The following MROH7 variants were observed in gnomAD, a reference collection of about 807,000 sequenced individuals.
The protein encoded by MROH7 is maestro heat-like repeat-containing protein family member 7.
MROH7 carries 113 observed loss-of-function variants against 129.2 expected under a neutral mutation model. The observed-to-expected ratio is 0.87, with a 90% CI of 0.75 to 1.02. The LOEUF is 1.02. Ranked by LOEUF, MROH7 falls within the 50% of genes least tolerant of loss-of-function variation. The pLI is 0.00. For missense variants in MROH7, 1,601 were observed against 1,671.3 expected (o/e 0.96, Z 0.73); for synonymous variants, 655 against 667.9 (o/e 0.98, Z 0.30).
At chr1:54,690,090 A>G (rs760732760) in intron 15 of MROH7, among the ~76,000 whole-genome samples, 43 of 152,354 alleles carry the variant, frequency 2.8e-4, no homozygotes, top group Non-Finnish European at 5.9e-4. Flanking sequence ...CCCTTGCTCT[A>G]CTTTGCAGAG....
intron 8 of MROH7, 39 bp downstream of exon 8, chr1:54,673,225 G>T: frequency 2.7e-6 from 4 of 1,503,218 alleles, no homozygotes; most frequent in Non-Finnish European, 3.7e-6. Context: ...AGGGGAGGAA[G>T]GGTGGAGGGA....
chr1:54,689,827 T>A (rs1645205662), intron 15 of MROH7, among the ~76,000 whole-genome samples: 1 of 152,124 alleles, frequency 6.6e-6, no homozygotes, highest in African/African-American at 2.4e-5. Flanking sequence ...CTAGGCAACA[T>A]GGCGAAACCC....
chr1:54,672,403 G>A (rs1464692480), intron 7 of MROH7, among the ~76,000 whole-genome samples: 1 of 152,014 alleles, frequency 6.6e-6, no homozygotes, highest in Non-Finnish European at 1.5e-5. Flanking sequence ...AGGCAAAAAA[G>A]AGAGGGTCTT....
intron 3 of MROH7, among the ~76,000 whole-genome samples, chr1:54,657,048 CTTTTTTTT>C (rs35098878): frequency 0.011 from 1,406 of 132,436 alleles, 22 homozygotes; most frequent in Non-Finnish European, 0.015. Context: ...TTCTCACCAT[CTTTTTTTT>C]TTTTTTTTTT....
chr1:54,653,090 T>G lies in MROH7; in HGVS notation c.164T>G (p.Leu55Trp), dbSNP rs1422625194. The change falls in exon 3 of 24, where the codon TTG (leucine) becomes TGG (tryptophan). Residue 55 changes from leucine (L) to tryptophan (W), a missense_variant. Coordinates refer to ENST00000421030, the MANE Select transcript of MROH7 (RefSeq NM_001039464.4). ...PMLNLLPSPG[L>W]ALVPDLNDSL... ...TTGAATCTGCTCCCAAGTCCTGGCT[T>G]GGCTCTCGTTCCAGATCTTAATGAT... 1 of 1,614,192 alleles carries G rather than the reference T, an allele frequency of 6.2e-7. No homozygotes were observed. Among genetic ancestry groups the G allele is most frequent in the Admixed American group, 1.7e-5 (1 of 60,020 alleles).
intron 18 of MROH7, 28 bp downstream of exon 18, chr1:54,700,489 CCCAGCCA>C (rs749867987): frequency 1.3e-6 from 2 of 1,545,520 alleles, no homozygotes; most frequent in Non-Finnish European, 1.7e-6. Flanking sequence ...GAAAGCCTGG[CCCAGCCA>C]GGCCCCAGAC....
rs1386839459 is a variant in MROH7, at chr1:54,703,358, C to T, written c.3564+613C>T. Reference sequence around the variant, plus strand: ...GGCTCCTTTTCTACAACATCAATTCCCAGAGTTGTATTACCTGCAACACCA... The same window carrying T: ...GGCTCCTTTTCTACAACATCAATTCTCAGAGTTGTATTACCTGCAACACCA... On this transcript the variant is annotated intron_variant, in intron 21 of 23. Coordinates refer to ENST00000421030, the MANE Select transcript of MROH7 (RefSeq NM_001039464.4). This position sits in a 1 kb window ranked among gnomAD's most constrained non-coding sequence, Gnocchi z 4.4. Among the ~76,000 whole-genome samples the T allele has an allele frequency of 6.6e-6, 1 of 152,132 alleles. No individual in the cohort carries two copies. Among genetic ancestry groups the T allele is most frequent in the Non-Finnish European group, 1.5e-5 (1 of 68,028 alleles).
chr1:54,657,492 C>T (rs1409270174), intron 3 of MROH7, among the ~76,000 whole-genome samples: 1 of 152,056 alleles, frequency 6.6e-6, no homozygotes, highest in East Asian at 1.9e-4. Context: ...GATTCTTTCA[C>T]CTCAGCCTCC....
rs191907704 is a variant in MROH7, at chr1:54,703,639, C to T, written c.3564+894C>T. 4.6e-5 allele frequency among the ~76,000 whole-genome samples: 7 copies of T among 152,080 alleles called. No individual in the cohort carries two copies. The East Asian group carries it at 5.8e-4, about 13-fold the overall frequency. On this transcript the variant is annotated intron_variant, in intron 21 of 23. Coordinates refer to ENST00000421030, the MANE Select transcript of MROH7 (RefSeq NM_001039464.4). This position sits in a 1 kb window ranked among gnomAD's most constrained non-coding sequence, Gnocchi z 4.4. ...TAGGAGCAAGCCGCGTGCATGTGCGCGCGCGCATACACACACACACACAAG... is the reference window on the plus strand; with the variant it reads ...TAGGAGCAAGCCGCGTGCATGTGCGTGCGCGCATACACACACACACACAAG...
In MROH7 at chr1:54,673,852, C is replaced by T. The variant is rs759288481; in HGVS notation, c.1800+47C>T. On this transcript the variant is annotated intron_variant, in intron 9 of 23. Transcript: ENST00000421030. ...TGGACACTCTTAGGGAAAATCTTCCCACTTCTGAAGGAGCCCGTACCTCTG... is the reference window on the plus strand; with the variant it reads ...TGGACACTCTTAGGGAAAATCTTCCTACTTCTGAAGGAGCCCGTACCTCTG... 8.3e-6 allele frequency: 13 copies of T among 1,566,582 alleles called. No individual in the cohort carries two copies. The Admixed American group carries it at 1.7e-4, about 20-fold the overall frequency.
At chr1:54,692,302 C>T (rs965049600) in intron 15 of MROH7, 122 bp from the exon 16 acceptor site, 1 of 1,234,072 alleles carries the variant, frequency 8.1e-7, no homozygotes, top group Non-Finnish European at 1.1e-6. Flanking sequence ...CACTGAATAC[C>T]CCTACCTAAA....
chr1:54,679,196 A>ACAAAGCT lies in MROH7; in HGVS notation c.2050-65_2050-59dup, dbSNP rs1645028357. 6 of 1,539,114 alleles carry ACAAAGCT rather than the reference A, an allele frequency of 3.9e-6. No homozygotes were observed. In the South Asian group the frequency reaches 4.5e-5, roughly 11 times the overall value. ...TCAGGCAGTGTTTGTGCCTCTGTGC[A>ACAAAGCT]CAAAGCTCGAAGCTCAAAGCTCGGG... On this transcript the variant is annotated intron_variant, in intron 11 of 23. Coordinates refer to ENST00000421030, the MANE Select transcript of MROH7 (RefSeq NM_001039464.4).
Position 54,641,977 on chromosome 1 carries a change from T to C in MROH7, c.-110+9T>C, listed in dbSNP as rs566537755. 2 of 152,328 alleles carry C rather than the reference T, an allele frequency of 1.3e-5. No individual in the cohort carries two copies. Among genetic ancestry groups the C allele is most frequent in the East Asian group, 1.9e-4 (1 of 5,170 alleles). 9.4% of individuals were successfully genotyped at this position (152,328 alleles called of 1,614,324 possible). A position where few individuals can be genotyped will look rare whatever the true frequency, so the allele number is the denominator to read the frequency against. ...GGATGCTCCAGGTGAAGGTAACACA[T>C]TGAACTTTACATGAGCAGCCCAAGG... On this transcript the variant is annotated intron_variant, in intron 1 of 23. Coordinates refer to ENST00000421030, the MANE Select transcript of MROH7 (RefSeq NM_001039464.4).
At chr1:54,684,780 T>A (rs780720475) in intron 14 of MROH7, among the ~76,000 whole-genome samples, 1 of 152,252 alleles carries the variant, frequency 6.6e-6, no homozygotes, top group Non-Finnish European at 1.5e-5. Context: ...TTGGTGCTTA[T>A]ATCTGTAAAA....
At chr1:54,674,205 T>G in intron 10 of MROH7, 54 bp downstream of exon 10, 1 of 1,570,798 alleles carries the variant, frequency 6.4e-7, no homozygotes. Flanking sequence ...TTGCTCAGTC[T>G]GGATTCAATA....
At chr1:54,704,926 C>A (rs603087) in intron 21 of MROH7, among the ~76,000 whole-genome samples, 149,305 of 151,628 alleles carry the variant, frequency 0.98, 73,524 homozygotes, top group East Asian at 1. Flanking sequence ...CAACCTCCTG[C>A]GTAGCTGGGA....
chr1:54,691,674 C>T (rs536156344), intron 15 of MROH7, among the ~76,000 whole-genome samples: 2 of 151,676 alleles, frequency 1.3e-5, no homozygotes, highest in Non-Finnish European at 2.9e-5. Context: ...GGTGTGGTGG[C>T]GCATGCCTGT....
intron 7 of MROH7, among the ~76,000 whole-genome samples, chr1:54,672,131 G>A (rs1259035865): frequency 6.6e-6 from 1 of 152,132 alleles, no homozygotes; most frequent in Non-Finnish European, 1.5e-5. Flanking sequence ...CGGAGGTGGT[G>A]CCCTTGGAGA....
rs528026149 is a variant in MROH7 at position 54,686,376 on chromosome 1, A to G, written c.2639A>G (p.Asn880Ser). 18 of 1,614,104 alleles carry G rather than the reference A, an allele frequency of 1.1e-5. No homozygotes were observed. The South Asian group carries it at 1.6e-4, about 15-fold the overall frequency. Residue 880 changes from asparagine to serine, a missense_variant, in exon 15 of 24, where the codon AAC becomes AGC. By Grantham distance (46) the Asn-to-Ser change is conservative. Transcript: ENST00000421030. ...CAGGTCCATTACCACATCGGCCTCA[A>G]CCTGCCTGGCTGCGTGGCTCCTCCC... The part of the protein sequence containing the change: ...LIQVHYHIGL[N>S]LPGCVAPPKD...
Sources: gnomAD v4.1 joint callset for allele counts (sites outside exome capture counted in the v4.1 genomes callset) on GRCh38, gnomAD v4.1.1 for gene constraint, Gnocchi (gnomAD v3.1) non-coding constraint, MANE v1.5 for transcripts, NCBI Gene and HGNC (gene_info 2026-07-23, HGNC 2026-07-21) for gene names.